Variants in IBTK observed in about 807,000 individuals in gnomAD.
IBTK encodes inhibitor of Bruton tyrosine kinase.
IBTK carries 83 observed loss-of-function variants against 154.9 expected under a neutral mutation model. The observed-to-expected ratio is 0.54, with a 90% CI of 0.45 to 0.64. The LOEUF is 0.64. IBTK is among the 30% of genes least tolerant of loss of function. IBTK has a pLI of 0.00. For synonymous variants in IBTK, 515 were observed against 536.1 expected (o/e 0.96, Z 0.54); for missense variants, 1,332 against 1,584.6 (o/e 0.84, Z 2.71).
intron 26 of IBTK, among the ~76,000 whole-genome samples, chr6:82,178,903 G>C (rs761786998): frequency 6.6e-6 from 1 of 152,214 alleles, no homozygotes; most frequent in East Asian, 1.9e-4. Context: ...AGAATACAGA[G>C]ATCAGGTTAC....
intron 16 of IBTK, among the ~76,000 whole-genome samples, chr6:82,208,405 T>G (rs1191279934): frequency 6.6e-6 from 1 of 152,090 alleles, no homozygotes; most frequent in Non-Finnish European, 1.5e-5. Flanking sequence ...ACCTTGGATT[T>G]GACAACGAAT....
At chr6:82,203,723 GGAA>G (rs1389826648) in intron 17 of IBTK, among the ~76,000 whole-genome samples, 2 of 152,008 alleles carry the variant, frequency 1.3e-5, no homozygotes, top group Admixed American at 6.6e-5. Flanking sequence ...AGAACACTGA[GGAA>G]GAAGACCAGC....
chr6:82,194,011 A>AAT (rs1478871298), intron 23 of IBTK, among the ~76,000 whole-genome samples: 6 of 152,140 alleles, frequency 3.9e-5, no homozygotes, highest in Admixed American at 1.3e-4. Flanking sequence ...TAAATGAAAA[A>AAT]ATATATATAT....
At chr6:82,211,825 T>TA (rs1368230569) in intron 13 of IBTK, among the ~76,000 whole-genome samples, 1 of 152,194 alleles carries the variant, frequency 6.6e-6, no homozygotes, top group Admixed American at 6.5e-5. Flanking sequence ...TCCTTTTTTT[T>TA]ATTCCAGAAA....
chr6:82,198,248 T>C (rs1769073649), intron 21 of IBTK, among the ~76,000 whole-genome samples: 1 of 152,136 alleles, frequency 6.6e-6, no homozygotes, highest in Admixed American at 6.5e-5. Flanking sequence ...GGAAAGTCAT[T>C]ACTTTCAAGA....
intron 2 of IBTK, among the ~76,000 whole-genome samples, chr6:82,237,742 A>T (rs1770786009): frequency 6.6e-6 from 1 of 151,068 alleles, no homozygotes; most frequent in South Asian, 2.1e-4. Context: ...ACAAAAGAAT[A>T]TTTTACTATT....
chr6:82,171,592 T>C, intron 28 of IBTK, 36 bp from the exon 29 acceptor site: 2 of 1,540,476 alleles, frequency 1.3e-6, no homozygotes, highest in Non-Finnish European at 1.8e-6. Context: ...TCTTTACTCT[T>C]TTAATTATAA....
chr6:82,191,001 C>T (rs1403066272), intron 25 of IBTK, 72 bp downstream of exon 25: 1 of 1,101,892 alleles, frequency 9.1e-7, no homozygotes, highest in Non-Finnish European at 1.2e-6. Context: ...TGGGAAGGAA[C>T]TCCAAAGTCA....
intron 13 of IBTK, 124 bp downstream of exon 13, chr6:82,212,583 C>T (rs779703444): frequency 2.7e-5 from 18 of 666,932 alleles, no homozygotes; most frequent in Admixed American, 8.3e-5. Context: ...ATGCAGAATA[C>T]TAGAAAAGGT....
At chr6:82,214,949 T>G in intron 11 of IBTK, 120 bp from the exon 12 acceptor site, 2 of 1,044,178 alleles carry the variant, frequency 1.9e-6, no homozygotes, top group Non-Finnish European at 2.7e-6. Flanking sequence ...ATTTTAAATT[T>G]GGCATTTCCT....
rs909795993 is a variant in IBTK at position 82,234,082 on chromosome 6, G to A, written c.418+77C>T. On this transcript the variant is annotated intron_variant, in intron 3 of 28. Transcript: ENST00000306270. ...TCGAACTCCTGACCTGAAGTGATCC[G>A]CCTGCCTCAGCCTACCAAATTGCTG... The A allele has an allele frequency of 3.3e-5, 18 of 548,018 alleles. No individual in the cohort carries two copies. In the South Asian group the frequency reaches 4.3e-4, roughly 13 times the overall value. The allele number at this position is 548,018 out of a possible 1,614,324, so 33.9% of individuals were successfully genotyped here. A position where few individuals can be genotyped will look rare whatever the true frequency, so the allele number is the denominator to read the frequency against.
intron 12 of IBTK, 37 bp downstream of exon 12, chr6:82,214,190 A>C: frequency 6.5e-7 from 1 of 1,545,010 alleles, no homozygotes; most frequent in Non-Finnish European, 8.7e-7. Flanking sequence ...GGAGGACTGA[A>C]TGAGGTACAG....
chr6:82,204,295 A>G (rs6454259), intron 17 of IBTK, among the ~76,000 whole-genome samples: 36,223 of 151,990 alleles, frequency 0.24, 4,377 homozygotes, highest in African/African-American at 0.28. Flanking sequence ...AGTTTTGACA[A>G]CTGAATGAAT....
In IBTK at chr6:82,247,600, G is replaced by A. The variant is rs919403611; in HGVS notation, c.-396C>T. 16 of 398,670 alleles carry A rather than the reference G, an allele frequency of 4.0e-5. No individual in the cohort carries two copies. The highest frequency in any genetic ancestry group is 7.1e-5 in the Non-Finnish European group (16 of 226,224). The allele number at this position is 398,670 out of a possible 1,614,324, so 24.7% of individuals were successfully genotyped here. A position where few individuals can be genotyped will look rare whatever the true frequency, so the allele number is the denominator to read the frequency against. On this transcript the variant is annotated 5_prime_UTR_variant, in exon 1 of 29. Coordinates refer to ENST00000306270, the MANE Select transcript of IBTK (RefSeq NM_015525.4). ...AAACTGCGCCGGTGGATTCCGCAGG[G>A]TCCACATAGAGCCACAAAGGGACTC...
chr6:82,190,133 A>T (rs1221357685), intron 25 of IBTK, among the ~76,000 whole-genome samples: 1 of 152,100 alleles, frequency 6.6e-6, no homozygotes, highest in Non-Finnish European at 1.5e-5. Flanking sequence ...TTTCTTTTTC[A>T]GTAACCATGC....
At chr6:82,215,674 C>A (rs1769840873) in intron 11 of IBTK, among the ~76,000 whole-genome samples, 1 of 149,414 alleles carries the variant, frequency 6.7e-6, no homozygotes, top group Non-Finnish European at 1.5e-5. Flanking sequence ...GTAATCCCAA[C>A]TACTTGGGAG....
intron 15 of IBTK, 146 bp downstream of exon 15, chr6:82,211,220 TC>T (rs1769624525): frequency 3.5e-6 from 2 of 569,914 alleles, no homozygotes; most frequent in Non-Finnish European, 3.0e-6. Context: ...GTTGCTATTT[TC>T]CAGCAGCCTC....
rs556712529 is a variant in IBTK at position 82,201,447 on chromosome 6, T to G, written c.2765A>C (p.Asp922Ala). Residue 922 changes from aspartate to alanine, a missense_variant, in exon 19 of 29, where the codon GAT becomes GCT. By Grantham distance (126) the Asp-to-Ala change is moderately radical. Around this residue, in one of 3 missense-constraint regions of IBTK, gnomAD observed 1,134 missense variants for 1,274.7 expected, o/e 0.89. Transcript: ENST00000306270. ...LDVLSDGVLK[D>A]LSEFYRKMIP... ...CATTTTCCGGTAAAACTCAGAAAGA[T>G]CCTTCAAAACACCATCGCTTAAAAC... is the stretch of plus-strand genomic sequence containing the variant. The G allele has an allele frequency of 6.2e-7, 1 of 1,609,034 alleles. No individual in the cohort carries two copies.
At chr6:82,236,385 G>A (rs1201892540) in intron 2 of IBTK, among the ~76,000 whole-genome samples, 1 of 152,132 alleles carries the variant, frequency 6.6e-6, no homozygotes, top group Non-Finnish European at 1.5e-5. Flanking sequence ...ATGATTCTGT[G>A]AAGTCTTCTG....
Sources: gnomAD v4.1 joint callset for allele counts (sites outside exome capture counted in the v4.1 genomes callset) on GRCh38, gnomAD v4.1.1 for gene constraint, gnomAD v4.1.1 regional missense constraint, MANE v1.5 for transcripts, NCBI Gene and HGNC (gene_info 2026-07-23, HGNC 2026-07-21) for gene names.